Variants in PPP1R9A observed in about 807,000 individuals in gnomAD.
The protein encoded by PPP1R9A is neurabin-1.
Under a neutral mutation model 141.9 loss-of-function variants are expected in PPP1R9A, and 59 were observed. The observed-to-expected ratio is 0.42, with a 90% CI of 0.34 to 0.52. PPP1R9A has a LOEUF of 0.52. PPP1R9A is among the 20% of genes least tolerant of loss of function. PPP1R9A has a pLI of 0.10. For missense variants in PPP1R9A, 1,444 were observed against 1,611.9 expected (o/e 0.90, Z 1.78); for synonymous variants, 500 against 569.7 (o/e 0.88, Z 1.74).
chr7:95,095,216 T>C (rs1175989391), intron 2 of PPP1R9A, among the ~76,000 whole-genome samples: 1 of 152,178 alleles, frequency 6.6e-6, no homozygotes, highest in Admixed American at 6.5e-5. Flanking sequence ...ATTCACCTAT[T>C]TATTTTAATA....
chr7:94,999,693 T>A (rs945810065), intron 2 of PPP1R9A, among the ~76,000 whole-genome samples: 2 of 152,250 alleles, frequency 1.3e-5, no homozygotes, highest in African/African-American at 4.8e-5. Flanking sequence ...TAAGAAATTG[T>A]TGATCGTGTG....
At position 95,251,368 on chromosome 7, in the gene PPP1R9A, C is replaced by T. The variant is rs1244135614; in HGVS notation, c.2397-394C>T. Among the ~76,000 whole-genome samples, 11 of 152,180 alleles carry T rather than the reference C, an allele frequency of 7.2e-5. No individual in the cohort carries two copies. In the South Asian group the frequency reaches 1.0e-3, roughly 14 times the overall value. ...ATAGAAATCTTACAATTATCTTTTTCGAACTCTTATCTAGTTACATCAGTT... is the reference window on the plus strand; with the variant it reads ...ATAGAAATCTTACAATTATCTTTTTTGAACTCTTATCTAGTTACATCAGTT... On this transcript the variant is annotated intron_variant, in intron 10 of 19. Coordinates refer to ENST00000433360, the MANE Select transcript of PPP1R9A (RefSeq NM_001166160.2).
intron 8 of PPP1R9A, among the ~76,000 whole-genome samples, chr7:95,230,407 C>CA (rs1156986557): frequency 1.3e-5 from 2 of 151,908 alleles, no homozygotes; most frequent in Non-Finnish European, 2.9e-5. Flanking sequence ...TTAAAGACAT[C>CA]AAAAACATAA....
intron 2 of PPP1R9A, among the ~76,000 whole-genome samples, chr7:95,094,619 C>A (rs1456151304): frequency 6.6e-6 from 1 of 152,094 alleles, no homozygotes; most frequent in Non-Finnish European, 1.5e-5. Flanking sequence ...GTGGCTCACA[C>A]CTGTAATCCC....
At chr7:94,938,731 A>T (rs1187690386) in intron 2 of PPP1R9A, among the ~76,000 whole-genome samples, 1 of 152,138 alleles carries the variant, frequency 6.6e-6, no homozygotes, top group African/African-American at 2.4e-5. Flanking sequence ...ATTTCATTAA[A>T]CCATGTGAAC....
chr7:94,928,118 A>G (rs1292392398), intron 2 of PPP1R9A, among the ~76,000 whole-genome samples: 1 of 152,160 alleles, frequency 6.6e-6, no homozygotes. Context: ...AGAGGAAGTG[A>G]TGCTTGAGTT....
At chr7:95,157,618 A>C (rs1030190004) in intron 4 of PPP1R9A, among the ~76,000 whole-genome samples, 6 of 152,214 alleles carry the variant, frequency 3.9e-5, no homozygotes, top group Non-Finnish European at 8.8e-5. Flanking sequence ...GGCCGTCTGG[A>C]GTGGCTGCTG....
In PPP1R9A at chr7:95,136,263, A is replaced by G. The variant is rs1334479381; in HGVS notation, c.1649+15431A>G. Among the ~76,000 whole-genome samples the G allele has an allele frequency of 3.9e-5, 6 of 152,122 alleles. No homozygotes were observed. In the East Asian group the frequency reaches 1.2e-3, roughly 29 times the overall value. ...TCTGCTCCTAACACATCTTTACACAACATAATAACTTTTATAAAGCAATAC... is the reference window on the plus strand; with the variant it reads ...TCTGCTCCTAACACATCTTTACACAGCATAATAACTTTTATAAAGCAATAC... On this transcript the variant is annotated intron_variant, in intron 4 of 19. Transcript: ENST00000433360.
intron 7 of PPP1R9A, among the ~76,000 whole-genome samples, chr7:95,215,759 A>G (rs1793239750): frequency 6.6e-6 from 1 of 152,218 alleles, no homozygotes; most frequent in African/African-American, 2.4e-5. Flanking sequence ...TGTTGGCTGC[A>G]TAAATGTCTA....
intron 2 of PPP1R9A, among the ~76,000 whole-genome samples, chr7:95,039,750 T>A (rs1808955485): frequency 6.6e-6 from 1 of 151,770 alleles, no homozygotes; most frequent in African/African-American, 2.4e-5. Flanking sequence ...AAAATCAGAA[T>A]AGAGCATCTA....
At chr7:94,927,902 T>C (rs954277295) in intron 2 of PPP1R9A, among the ~76,000 whole-genome samples, 4 of 152,302 alleles carry the variant, frequency 2.6e-5, no homozygotes, top group East Asian at 3.9e-4. Context: ...AGGGTGACCA[T>C]TGGGATTTAT....
At position 95,296,123 on chromosome 7, in the gene PPP1R9A, T is replaced by C. The variant is rs563117515; in HGVS notation, c.*5820T>C. ...TAAGCTTTTAATTTGTACATTTTGATGTCTGATCATTTGCATGGAAGAGAC... is the reference window on the plus strand; with the variant it reads ...TAAGCTTTTAATTTGTACATTTTGACGTCTGATCATTTGCATGGAAGAGAC... On this transcript the variant is annotated 3_prime_UTR_variant, in exon 20 of 20. Coordinates refer to ENST00000433360, the MANE Select transcript of PPP1R9A (RefSeq NM_001166160.2). The C allele has an allele frequency of 2.0e-5, 3 of 152,762 alleles. No homozygotes were observed. The South Asian group carries it at 6.2e-4, about 32-fold the overall frequency. The allele number at this position is 152,762 out of a possible 1,614,324, so 9.5% of individuals were successfully genotyped here.
intron 2 of PPP1R9A, among the ~76,000 whole-genome samples, chr7:94,968,122 A>G (rs1009414014): frequency 6.6e-6 from 1 of 152,020 alleles, no homozygotes; most frequent in African/African-American, 2.4e-5. Context: ...TTTTTAGGAT[A>G]GTTAGCTCTT....
At chr7:95,186,749 C>T (rs1375540232) in intron 5 of PPP1R9A, among the ~76,000 whole-genome samples, 3 of 151,960 alleles carry the variant, frequency 2.0e-5, no homozygotes, top group Admixed American at 2.0e-4. Flanking sequence ...TTTGTCAGTG[C>T]TTTTCCTGCA....
chr7:94,996,696 AT>A (rs1475537652), intron 2 of PPP1R9A, among the ~76,000 whole-genome samples: 1 of 151,008 alleles, frequency 6.6e-6, no homozygotes, highest in East Asian at 1.9e-4. Flanking sequence ...GGCTCTATTA[AT>A]TTTTTGCAGT....
chr7:95,082,968 G>A (rs918597554), intron 2 of PPP1R9A, among the ~76,000 whole-genome samples: 1 of 151,498 alleles, frequency 6.6e-6, no homozygotes, highest in Non-Finnish European at 1.5e-5. Flanking sequence ...TGTTAGCCAG[G>A]ATGGTCTCAA....
At chr7:94,936,927 A>G (rs1312428912) in intron 2 of PPP1R9A, among the ~76,000 whole-genome samples, 2 of 152,090 alleles carry the variant, frequency 1.3e-5, no homozygotes, top group African/African-American at 4.8e-5. Context: ...ATTTATACAT[A>G]TTAAAGCAAA....
chr7:94,959,702 T>G (rs1329533318), intron 2 of PPP1R9A, among the ~76,000 whole-genome samples: 1 of 151,732 alleles, frequency 6.6e-6, no homozygotes, highest in Non-Finnish European at 1.5e-5. Context: ...AGTTATTCAA[T>G]TTTTAATTTT....
intron 2 of PPP1R9A, among the ~76,000 whole-genome samples, chr7:94,961,609 C>G (rs556403463): frequency 9.2e-5 from 14 of 151,930 alleles, no homozygotes; most frequent in African/African-American, 3.4e-4. Context: ...TTAGAAATGA[C>G]TGGGTGCCCT....
Sources: gnomAD v4.1 joint callset for allele counts (sites outside exome capture counted in the v4.1 genomes callset) on GRCh38, gnomAD v4.1.1 for gene constraint, MANE v1.5 for transcripts, NCBI Gene and HGNC (gene_info 2026-07-23, HGNC 2026-07-21) for gene names.